The following NCOA1 variants were observed in gnomAD, a reference collection of about 807,000 sequenced individuals.
NCOA1 encodes the protein Hin-2 protein.
Under a neutral mutation model 150.9 loss-of-function variants are expected in NCOA1, and 35 were observed. The observed-to-expected ratio is 0.23, with a 90% CI of 0.18 to 0.31. The LOEUF (loss-of-function observed/expected upper bound fraction) is 0.31. Among genes scored for constraint, NCOA1 ranks in the 10% least tolerant of loss-of-function variants. NCOA1 has a pLI of 1.00. For missense variants in NCOA1, 1,491 were observed against 1,749.3 expected (o/e 0.85, Z 2.63); for synonymous variants, 590 against 630.0 (o/e 0.94, Z 0.95).
intron 14 of NCOA1, among the ~76,000 whole-genome samples, chr2:24,718,903 C>T (rs1234957000): frequency 6.7e-6 from 1 of 149,604 alleles, no homozygotes; most frequent in South Asian, 2.1e-4. Context: ...GTGGCGGGCG[C>T]CTGTAATCAC....
chr2:24,629,817 CATATATATATAT>C lies in NCOA1; in HGVS notation c.-174-14130_-174-14119del, dbSNP rs57598398. Among the ~76,000 whole-genome samples, 789 of 79,358 alleles carry C rather than the reference CATATATATATAT, an allele frequency of 9.9e-3. 30 individuals carry two copies. The highest frequency in any genetic ancestry group is 0.032 in the African/African-American group (724 of 22,284). 52.1% of individuals were successfully genotyped at this position (79,358 alleles called of 152,430 possible). A position where few individuals can be genotyped will look rare whatever the true frequency, so the allele number is the denominator to read the frequency against. On this transcript the variant is annotated intron_variant, in intron 3 of 22. Coordinates refer to ENST00000348332, the MANE Select transcript of NCOA1 (RefSeq NM_003743.5). ...GACACTGTTTTAAGTAACATACATA[CATATATATATAT>C]ATATATATATATATATATGTATTTT...
Position 24,742,009 on chromosome 2 carries a change from C to G in NCOA1, c.3529C>G (p.Pro1177Ala), listed in dbSNP as rs1663628228. 6.2e-7 allele frequency: 1 copy of G among 1,614,098 alleles called. No individual in the cohort carries two copies. Among genetic ancestry groups the G allele is most frequent in the South Asian group, 1.1e-5 (1 of 91,090 alleles). ...FPYPPNYGTN[P>A]GTPPASTSPF... ...CTATCCACCAAACTATGGTACAAAT[C>G]CAGGAACCCCACCTGCTTCTACCAG... is the stretch of plus-strand genomic sequence containing the variant. Residue 1177 changes from proline (P) to alanine (A), a missense_variant, in exon 19 of 23, where the codon CCA (proline) becomes GCA (alanine). Pro to Ala is a conservative substitution (Grantham distance 27). This residue lies in a region of NCOA1 where 485 missense variants were observed against 522.8 expected (regional missense o/e 0.93). Transcript: ENST00000348332.
At chr2:24,729,912 C>A in intron 17 of NCOA1, 97 bp downstream of exon 17, 1 of 1,306,262 alleles carries the variant, frequency 7.7e-7, no homozygotes, top group Non-Finnish European at 1.0e-6. Context: ...GTAGTGCTAT[C>A]TCAGCCCACT....
At chr2:24,554,269 A>T (rs1012044245) in intron 1 of NCOA1, 8 of 152,224 alleles carry the variant, frequency 5.3e-5, no homozygotes, top group African/African-American at 1.9e-4. Context: ...TTGATTCAAG[A>T]CCTTACTTGT....
At chr2:24,751,867 G>A in intron 19 of NCOA1, 115 bp from the exon 20 acceptor site, 2 of 1,022,516 alleles carry the variant, frequency 2.0e-6, no homozygotes, top group Admixed American at 3.0e-5. Context: ...ACAAGACAAG[G>A]CAAATAAGAA....
chr2:24,501,437 T>A (rs1034273170), intron 1 of NCOA1, among the ~76,000 whole-genome samples: 1 of 152,188 alleles, frequency 6.6e-6, no homozygotes, highest in African/African-American at 2.4e-5. Context: ...ATTAATATAA[T>A]AACAATATTA....
rs143293873 is a variant in NCOA1, at chr2:24,598,857, G to A, written c.-175+14297G>A. 6.7e-4 allele frequency among the ~76,000 whole-genome samples: 102 copies of A among 151,728 alleles called. 1 individual carries two copies. The highest frequency in any genetic ancestry group is 5.6e-3 in the South Asian group (27 of 4,818). ...TAACTCTGGGGTTTGGGCTTCTATT[G>A]AACTCATCGTTCAAATAATCAAGAT... is the stretch of plus-strand genomic sequence containing the variant. On this transcript the variant is annotated intron_variant, in intron 3 of 22. Transcript: ENST00000348332.
intron 14 of NCOA1, among the ~76,000 whole-genome samples, chr2:24,721,323 C>T (rs1331397376): frequency 1.3e-5 from 2 of 152,120 alleles, no homozygotes; most frequent in Admixed American, 6.5e-5. Context: ...TTTTCTTCAA[C>T]ATTACTTTCT....
At chr2:24,740,881 T>G (rs1663566897) in intron 18 of NCOA1, among the ~76,000 whole-genome samples, 1 of 152,198 alleles carries the variant, frequency 6.6e-6, no homozygotes, top group Non-Finnish European at 1.5e-5. Context: ...CAATCTGAAT[T>G]GACATTTTCT....
At chr2:24,500,762 C>T (rs1663426136) in intron 1 of NCOA1, among the ~76,000 whole-genome samples, 1 of 152,068 alleles carries the variant, frequency 6.6e-6, no homozygotes, top group Non-Finnish European at 1.5e-5. Flanking sequence ...TGCTATGTTA[C>T]CTAGCAAATA....
intron 3 of NCOA1, among the ~76,000 whole-genome samples, chr2:24,609,451 T>G (rs1668524018): frequency 6.6e-6 from 1 of 152,192 alleles, no homozygotes; most frequent in Non-Finnish European, 1.5e-5. Context: ...GCAGGATTTT[T>G]AAAAGTCATT....
At chr2:24,508,939 A>G (rs1427374009) in intron 1 of NCOA1, among the ~76,000 whole-genome samples, 1 of 152,232 alleles carries the variant, frequency 6.6e-6, no homozygotes, top group African/African-American at 2.4e-5. Context: ...CTAGAAGAAA[A>G]TGGGGAGGCA....
At chr2:24,543,298 A>G (rs1279620211) in intron 1 of NCOA1, among the ~76,000 whole-genome samples, 11 of 152,180 alleles carry the variant, frequency 7.2e-5, no homozygotes, top group East Asian at 1.9e-4. Context: ...TTTTATAACA[A>G]TCTACTCTTG....
At chr2:24,730,723 C>T (rs906473057) in intron 17 of NCOA1, among the ~76,000 whole-genome samples, 1 of 152,002 alleles carries the variant, frequency 6.6e-6, no homozygotes. Context: ...CAAGAGCAAA[C>T]AGTTAAAAAT....
At chr2:24,748,944 A>G (rs1248508513) in intron 19 of NCOA1, among the ~76,000 whole-genome samples, 1 of 152,208 alleles carries the variant, frequency 6.6e-6, no homozygotes, top group Non-Finnish European at 1.5e-5. Flanking sequence ...AATTATGGGC[A>G]ATCATACTAT....
chr2:24,716,143 CA>C (rs35089767), intron 14 of NCOA1, among the ~76,000 whole-genome samples: 38,135 of 85,566 alleles, frequency 0.45, 4,682 homozygotes, highest in Admixed American at 0.55. Context: ...GACTCCGTCT[CA>C]AAAAAAAAAA....
chr2:24,692,588 T>C (rs1472063464), intron 9 of NCOA1, among the ~76,000 whole-genome samples: 3 of 152,202 alleles, frequency 2.0e-5, no homozygotes, highest in Non-Finnish European at 4.4e-5. Context: ...CTGGTGAATA[T>C]AAGAAATTGA....
At chr2:24,745,457 T>G (rs901178327) in intron 19 of NCOA1, among the ~76,000 whole-genome samples, 2 of 152,032 alleles carry the variant, frequency 1.3e-5, no homozygotes, top group African/African-American at 4.8e-5. Flanking sequence ...CCACCGTGCC[T>G]GGCCAGAAAT....
intron 6 of NCOA1, among the ~76,000 whole-genome samples, chr2:24,671,244 A>G (rs1572570142): frequency 1.3e-5 from 2 of 152,318 alleles, no homozygotes; most frequent in East Asian, 1.9e-4. Context: ...CAAACATAAT[A>G]TTGAGTGGAA....
Sources: allele counts gnomAD v4.1 joint callset (sites outside exome capture counted in the v4.1 genomes callset), GRCh38; gene constraint gnomAD v4.1.1; regional missense constraint gnomAD v4.1.1; transcripts MANE v1.5; gene names NCBI Gene and HGNC (gene_info 2026-07-23, HGNC 2026-07-21).